Variants in RNGTT observed in about 807,000 individuals in gnomAD.
RNGTT encodes RNA guanylyltransferase and 5'-phosphatase, also known as mRNA-capping enzyme.
A neutral mutation model predicts 79.3 loss-of-function variants in RNGTT; 33 were observed. The ratio of observed to expected loss-of-function variants is 0.42; its 90% CI spans 0.32 to 0.56. The LOEUF (loss-of-function observed/expected upper bound fraction) is 0.56. Ranked by LOEUF, RNGTT falls within the 20% of genes least tolerant of loss-of-function variation. The pLI is 0.17. For synonymous variants in RNGTT, 222 were observed against 235.9 expected (o/e 0.94, Z 0.54); for missense variants, 497 against 739.1 (o/e 0.67, Z 3.80).
intron 12 of RNGTT, among the ~76,000 whole-genome samples, chr6:88,772,944 A>G (rs892073398): frequency 1.2e-4 from 18 of 152,034 alleles, no homozygotes; most frequent in African/African-American, 4.3e-4. Context: ...TAGAAATACC[A>G]TTTGACCCAG....
intron 14 of RNGTT, among the ~76,000 whole-genome samples, chr6:88,638,790 A>C (rs1773198025): frequency 6.6e-6 from 1 of 152,152 alleles, no homozygotes; most frequent in African/African-American, 2.4e-5. Context: ...TACTATCTTT[A>C]CAGATGTTTT....
chr6:88,794,535 TTTA>T (rs1779529922), intron 12 of RNGTT, among the ~76,000 whole-genome samples: 2 of 151,974 alleles, frequency 1.3e-5, no homozygotes, highest in Admixed American at 1.3e-4. Flanking sequence ...ACAATGGAGG[TTTA>T]AAAAGAAATA....
chr6:88,801,352 G>A (rs9359815), intron 12 of RNGTT, among the ~76,000 whole-genome samples: 79,439 of 152,042 alleles, frequency 0.52, 22,087 homozygotes, highest in African/African-American at 0.72. Flanking sequence ...AAAAACAGAT[G>A]GGTGCTCATT....
At chr6:88,924,980 C>T (rs1231108726) in intron 4 of RNGTT, among the ~76,000 whole-genome samples, 1 of 152,068 alleles carries the variant, frequency 6.6e-6, no homozygotes, top group Non-Finnish European at 1.5e-5. Flanking sequence ...CTTAGCCTCC[C>T]AAAGTGCTGA....
intron 14 of RNGTT, among the ~76,000 whole-genome samples, chr6:88,632,516 C>A (rs974939124): frequency 6.9e-6 from 1 of 145,672 alleles, no homozygotes; most frequent in South Asian, 2.2e-4. Context: ...GTTTATATAG[C>A]AACCAACTAC....
chr6:88,933,280 CTT>C (rs1784564450), intron 2 of RNGTT, among the ~76,000 whole-genome samples: 1 of 152,140 alleles, frequency 6.6e-6, no homozygotes, highest in Non-Finnish European at 1.5e-5. Context: ...CAAGTTCTCT[CTT>C]CTAGCTACTT....
At chr6:88,811,938 T>G (rs1459345845) in intron 11 of RNGTT, among the ~76,000 whole-genome samples, 5 of 152,082 alleles carry the variant, frequency 3.3e-5, no homozygotes, top group Non-Finnish European at 5.9e-5. Context: ...AAAATGGAAA[T>G]TTGCACTCCC....
chr6:88,718,834 CTTTAAAAA>C (rs1290894866), intron 13 of RNGTT, among the ~76,000 whole-genome samples: 1 of 152,020 alleles, frequency 6.6e-6, no homozygotes, highest in Non-Finnish European at 1.5e-5. Context: ...TGAGGAAAAC[CTTTAAAAA>C]TTAGTGGAAG....
chr6:88,649,449 A>G (rs1773709252), intron 14 of RNGTT, among the ~76,000 whole-genome samples: 1 of 152,230 alleles, frequency 6.6e-6, no homozygotes, highest in African/African-American at 2.4e-5. Flanking sequence ...CTGTAATCCC[A>G]GCACTTTGGG....
chr6:88,946,346 C>T (rs1250499400), intron 1 of RNGTT, among the ~76,000 whole-genome samples: 1 of 152,186 alleles, frequency 6.6e-6, no homozygotes, highest in Non-Finnish European at 1.5e-5. Flanking sequence ...TATGTGTTCT[C>T]ACTGCTCCAC....
At chr6:88,772,275 T>TAA (rs1009695026) in intron 12 of RNGTT, among the ~76,000 whole-genome samples, 6 of 143,360 alleles carry the variant, frequency 4.2e-5, no homozygotes, top group East Asian at 2.0e-4. Context: ...CTGATTTCTT[T>TAA]AAAAAAAAAA....
intron 11 of RNGTT, among the ~76,000 whole-genome samples, chr6:88,837,892 A>G (rs549336894): frequency 6.6e-6 from 1 of 152,302 alleles, no homozygotes; most frequent in Non-Finnish European, 1.5e-5. Context: ...TCAGGAAAAA[A>G]GAATCCCCAT....
intron 2 of RNGTT, among the ~76,000 whole-genome samples, chr6:88,938,907 G>A (rs188459473): frequency 2.5e-4 from 38 of 152,312 alleles, no homozygotes; most frequent in African/African-American, 8.7e-4. Flanking sequence ...ATCCTTGGGT[G>A]GTAGGCGTTT....
At chr6:88,705,064 C>A (rs1026716445) in intron 13 of RNGTT, among the ~76,000 whole-genome samples, 11 of 152,188 alleles carry the variant, frequency 7.2e-5, no homozygotes, top group African/African-American at 2.4e-4. Flanking sequence ...ACTTCTCAAC[C>A]CTAACACTAA....
At chr6:88,638,699 A>G (rs73752985) in intron 14 of RNGTT, among the ~76,000 whole-genome samples, 5,084 of 152,208 alleles carry the variant, frequency 0.033, 262 homozygotes, top group African/African-American at 0.12. Flanking sequence ...ATTTTCTTTT[A>G]GTAAATCAGA....
At chr6:88,697,715 A>G (rs1442307095) in intron 13 of RNGTT, among the ~76,000 whole-genome samples, 1 of 150,528 alleles carries the variant, frequency 6.6e-6, no homozygotes, top group Non-Finnish European at 1.5e-5. Context: ...CAAAAAACAA[A>G]ACAAAACAAG....
intron 13 of RNGTT, among the ~76,000 whole-genome samples, chr6:88,679,353 C>A (rs990945386): frequency 1.9e-4 from 29 of 152,136 alleles, no homozygotes; most frequent in Non-Finnish European, 3.5e-4. Flanking sequence ...GAGAAACTTA[C>A]ACAATGTCCT....
chr6:88,830,310 A>G (rs1780813473), intron 11 of RNGTT, among the ~76,000 whole-genome samples: 1 of 152,182 alleles, frequency 6.6e-6, no homozygotes, highest in Admixed American at 6.5e-5. Context: ...TAAAGAAGTT[A>G]ATTAAGGAAG....
intron 11 of RNGTT, among the ~76,000 whole-genome samples, chr6:88,839,625 G>A (rs990921163): frequency 1.4e-4 from 22 of 152,066 alleles, no homozygotes; most frequent in Admixed American, 9.2e-4. Flanking sequence ...ATAAATAAAT[G>A]TGTTTATTTA....
Sources: gnomAD v4.1 joint callset for allele counts (sites outside exome capture counted in the v4.1 genomes callset) on GRCh38, gnomAD v4.1.1 for gene constraint, MANE v1.5 for transcripts, NCBI Gene and HGNC (gene_info 2026-07-23, HGNC 2026-07-21) for gene names.